SPOCK3: variants seen among roughly 807,000 people sequenced by gnomAD.
The protein encoded by SPOCK3 is SPARC (osteonectin), cwcv and kazal like domains proteoglycan 3.
Under a neutral mutation model 56.6 loss-of-function variants are expected in SPOCK3, and 30 were observed. The ratio of observed to expected loss-of-function variants is 0.53; its 90% CI spans 0.40 to 0.72. The LOEUF is 0.72. SPOCK3 is among the 30% of genes least tolerant of loss of function. The pLI is 0.00. For missense variants in SPOCK3, 527 were observed against 530.0 expected (o/e 0.99, Z 0.06); for synonymous variants, 196 against 183.3 (o/e 1.07, Z -0.56).
chr4:166,847,883 T>C (rs558162907), intron 6 of SPOCK3, among the ~76,000 whole-genome samples: 10 of 151,958 alleles, frequency 6.6e-5, no homozygotes, highest in Non-Finnish European at 1.5e-4. Context: ...CACGTAATAA[T>C]TCAAAGACTT....
In SPOCK3 at chr4:167,072,210, C is replaced by A. The variant is rs1160158603; in HGVS notation, c.190-9673G>T. Among the ~76,000 whole-genome samples the A allele has an allele frequency of 2.0e-5, 3 of 152,026 alleles. No individual in the cohort carries two copies. The East Asian group carries it at 5.8e-4, about 29-fold the overall frequency. On this transcript the variant is annotated intron_variant, in intron 2 of 10. Coordinates refer to ENST00000357545, the MANE Select transcript of SPOCK3 (RefSeq NM_001040159.2). ...AGAAGTACTCTTGAAATTAGAACCC[C>A]AGAAGTATAGCCCCAAAGCCTTCAT...
chr4:167,057,739 A>G (rs1489022626), intron 3 of SPOCK3, among the ~76,000 whole-genome samples: 2 of 152,344 alleles, frequency 1.3e-5, no homozygotes, highest in East Asian at 1.9e-4. Flanking sequence ...AGAGCTAACT[A>G]TCCTAAATAT....
At chr4:166,738,339 G>T (rs915908723) in intron 9 of SPOCK3, among the ~76,000 whole-genome samples, 3 of 151,866 alleles carry the variant, frequency 2.0e-5, no homozygotes, top group African/African-American at 7.3e-5. Context: ...TTTTATTGTT[G>T]TGTGAACAAC....
chr4:167,059,023 C>T (rs376130801), intron 3 of SPOCK3, among the ~76,000 whole-genome samples: 5 of 151,902 alleles, frequency 3.3e-5, no homozygotes, highest in South Asian at 4.2e-4. Context: ...AAGACTTAAA[C>T]GTTAGACCTA....
chr4:166,931,044 C>T (rs770342267), intron 4 of SPOCK3, among the ~76,000 whole-genome samples: 33 of 152,072 alleles, frequency 2.2e-4, no homozygotes, highest in Admixed American at 7.9e-4. Flanking sequence ...TGCAGTGGTG[C>T]GATCTCAGCT....
intron 8 of SPOCK3, among the ~76,000 whole-genome samples, chr4:166,744,414 A>G (rs962168419): frequency 1.3e-5 from 2 of 152,218 alleles, no homozygotes; most frequent in Non-Finnish European, 1.5e-5. Flanking sequence ...AAGGAAAAGC[A>G]ACAATCAGAA....
chr4:166,808,419 G>T (rs943308571), intron 6 of SPOCK3, among the ~76,000 whole-genome samples: 1 of 151,680 alleles, frequency 6.6e-6, no homozygotes, highest in Non-Finnish European at 1.5e-5. Context: ...TAATGTGATA[G>T]GACTGTGGGT....
At chr4:167,115,701 C>T (rs1216451013) in intron 2 of SPOCK3, among the ~76,000 whole-genome samples, 2 of 151,988 alleles carry the variant, frequency 1.3e-5, no homozygotes, top group Non-Finnish European at 2.9e-5. Flanking sequence ...TAGGGAAATA[C>T]GAGATGGTTG....
intron 4 of SPOCK3, among the ~76,000 whole-genome samples, chr4:166,916,367 C>G (rs1429806187): frequency 1.3e-5 from 2 of 152,128 alleles, no homozygotes; most frequent in Non-Finnish European, 2.9e-5. Context: ...ATATTATCTT[C>G]TTACCACCTG....
intron 2 of SPOCK3, among the ~76,000 whole-genome samples, chr4:167,116,573 CATAT>C (rs1389377607): frequency 4.9e-5 from 4 of 81,028 alleles, no homozygotes; most frequent in East Asian, 2.8e-4. Flanking sequence ...TACTTTTATA[CATAT>C]ATAGTTTTGT....
chr4:166,747,912 G>A (rs1735862345), intron 8 of SPOCK3, among the ~76,000 whole-genome samples: 1 of 151,834 alleles, frequency 6.6e-6, no homozygotes. Context: ...AAAATACCTA[G>A]GAATCCAACT....
chr4:166,836,453 G>C (rs955709980), intron 6 of SPOCK3, among the ~76,000 whole-genome samples: 9 of 152,230 alleles, frequency 5.9e-5, no homozygotes, highest in East Asian at 1.9e-4. Context: ...ACTGCCACAA[G>C]GCATCGTTGT....
Position 167,234,029 on chromosome 4 carries a change from A to T in SPOCK3, c.145T>A (p.Ser49Thr). The change falls in exon 2 of 11, where the codon TCT (serine) becomes ACT (threonine). Residue 49 changes from serine to threonine, a missense_variant. By Grantham distance (58) the Ser-to-Thr change is moderately conservative. Coordinates refer to ENST00000357545, the MANE Select transcript of SPOCK3 (RefSeq NM_001040159.2). ...TGTCCGACTTCCTTGTCATACTGAG[A>T]GATTGTGGTGAGCCATTGTTTATCA... is the stretch of plus-strand genomic sequence containing the variant. ...LDDKQWLTTI[S>T]QYDKEVGQWN... 6.2e-7 allele frequency: 1 copy of T among 1,613,864 alleles called. No homozygotes were observed. The highest frequency in any genetic ancestry group is 8.5e-7 in the Non-Finnish European group (1 of 1,179,964).
intron 3 of SPOCK3, among the ~76,000 whole-genome samples, chr4:167,034,243 T>A (rs1752532568): frequency 1.3e-5 from 2 of 151,918 alleles, no homozygotes; most frequent in Admixed American, 1.3e-4. Flanking sequence ...TATTTTTTCT[T>A]GTGCAAAAAA....
intron 4 of SPOCK3, among the ~76,000 whole-genome samples, chr4:166,965,919 T>C (rs1450846667): frequency 1.3e-5 from 2 of 152,100 alleles, no homozygotes; most frequent in Non-Finnish European, 2.9e-5. Flanking sequence ...TTTGGGTAAA[T>C]GTATAATGAC....
intron 3 of SPOCK3, among the ~76,000 whole-genome samples, chr4:167,047,594 A>C (rs369885727): frequency 1.3e-5 from 2 of 152,222 alleles, no homozygotes; most frequent in East Asian, 1.9e-4. Context: ...TTATTGACCT[A>C]AACTTAAGAC....
At chr4:166,859,986 T>A (rs1731071425) in intron 6 of SPOCK3, among the ~76,000 whole-genome samples, 1 of 152,122 alleles carries the variant, frequency 6.6e-6, no homozygotes, top group African/African-American at 2.4e-5. Context: ...CTATTTAGGT[T>A]AACCACAGTG....
chr4:166,750,866 A>G (rs1424683898), intron 8 of SPOCK3, among the ~76,000 whole-genome samples: 2 of 152,216 alleles, frequency 1.3e-5, no homozygotes, highest in African/African-American at 2.4e-5. Flanking sequence ...TGTCAAATAT[A>G]TATGGATAAT....
chr4:167,216,934 A>G (rs1735421091), intron 2 of SPOCK3, among the ~76,000 whole-genome samples: 1 of 152,116 alleles, frequency 6.6e-6, no homozygotes, highest in Non-Finnish European at 1.5e-5. Context: ...GTAAACACTC[A>G]TAACTGAATG....
Sources: allele counts gnomAD v4.1 joint callset (sites outside exome capture counted in the v4.1 genomes callset), GRCh38; gene constraint gnomAD v4.1.1; transcripts MANE v1.5; gene names NCBI Gene and HGNC (gene_info 2026-07-23, HGNC 2026-07-21).